SLC17A4: variants seen among roughly 807,000 people sequenced by gnomAD.
SLC17A4 encodes the protein probable small intestine urate exporter.
Under a neutral mutation model 52.5 loss-of-function variants are expected in SLC17A4, and 33 were observed. The ratio of observed to expected loss-of-function variants is 0.63; its 90% CI spans 0.48 to 0.84. The LOEUF (loss-of-function observed/expected upper bound fraction) is 0.84, where lower values mean the gene tolerates loss of function less well. SLC17A4 is among the 40% of genes least tolerant of loss of function. The pLI, the probability that SLC17A4 is intolerant of heterozygous loss-of-function variation, is 0.00. For missense variants in SLC17A4, 585 were observed against 597.1 expected (o/e 0.98, Z 0.21); for synonymous variants, 225 against 216.2 (o/e 1.04, Z -0.36).
At position 25,773,748 on chromosome 6, in the gene SLC17A4, G is replaced by A. The variant is rs984143242; in HGVS notation, c.987+74G>A. ...AATGAGAGCTCATATATAATCCTCT[G>A]TCTGTCCCATAGTCACAAAATCGGG... On this transcript the variant is annotated intron_variant, in intron 8 of 11. Transcript: ENST00000377905. 83 of 1,508,352 alleles carry A rather than the reference G, an allele frequency of 5.5e-5. No homozygotes were observed. The African/African-American group carries it at 1.0e-3, about 19-fold the overall frequency. 93.4% of individuals were successfully genotyped at this position (1,508,352 alleles called of 1,614,324 possible). A position where few individuals can be genotyped will look rare whatever the true frequency, so the allele number is the denominator to read the frequency against.
In SLC17A4 at chr6:25,776,944, T is replaced by C. The variant is rs1290721230; in HGVS notation, c.1253T>C (p.Leu418Ser). 4 of 1,612,766 alleles carry C rather than the reference T, an allele frequency of 2.5e-6. No homozygotes were observed. Among genetic ancestry groups the C allele is most frequent in the Non-Finnish European group, 3.4e-6 (4 of 1,179,274 alleles). ...FCESGALVNF[L>S]DIAPRYTGFL... ...GAATCAGGAGCCCTTGTTAACTTCTTGGATATTGCTCCTCGGTAGGGACCT... is the reference window on the plus strand; with the variant it reads ...GAATCAGGAGCCCTTGTTAACTTCTCGGATATTGCTCCTCGGTAGGGACCT... The change falls in exon 10 of 12, where the codon TTG becomes TCG. Residue 418 changes from leucine to serine, a missense_variant. By Grantham distance (145) the Leu-to-Ser change is moderately radical. Transcript: ENST00000377905.
At chr6:25,768,517 C>G in intron 2 of SLC17A4, 1 of 423,592 alleles carries the variant, frequency 2.4e-6, no homozygotes, top group Non-Finnish European at 3.2e-6. Context: ...TTTCATCTCT[C>G]CCCAGCCCCA....
intron 5 of SLC17A4, among the ~76,000 whole-genome samples, 184 bp downstream of exon 5, chr6:25,770,655 C>A (rs1029370176): frequency 1.3e-5 from 2 of 152,202 alleles, no homozygotes; most frequent in Non-Finnish European, 2.9e-5. Flanking sequence ...ATGTGCCAAA[C>A]ATTCTTGTGT....
At chr6:25,769,299 T>A in intron 3 of SLC17A4, 109 bp downstream of exon 3, 3 of 1,050,460 alleles carry the variant, frequency 2.9e-6, no homozygotes, top group Non-Finnish European at 4.1e-6. Context: ...GAACATGTAC[T>A]ATGTGCCAGG....
Position 25,768,996 on chromosome 6 carries a change from G to T in SLC17A4, c.103G>T (p.Val35Phe), listed in dbSNP as rs758518840. 6.2e-6 allele frequency: 10 copies of T among 1,613,874 alleles called. No homozygotes were observed. Among genetic ancestry groups the T allele is most frequent in the Non-Finnish European group, 7.6e-6 (9 of 1,179,970 alleles). ...CCTTTTCCTCTCAGGTTTTTGTTCA[G>T]TCCGACATGGGCTGGCCCTCATCTT... ...EECSRKGFCS[V>F]RHGLALILQL... Residue 35 changes from valine (V) to phenylalanine (F), a missense_variant, in exon 3 of 12, where the codon GTC becomes TTC. By Grantham distance (50) the Val-to-Phe change is conservative. Transcript: ENST00000377905.
At chr6:25,755,503 G>C (rs938391473) in intron 1 of SLC17A4, among the ~76,000 whole-genome samples, 1 of 152,146 alleles carries the variant, frequency 6.6e-6, no homozygotes, top group Non-Finnish European at 1.5e-5. Flanking sequence ...TTCTACAGTG[G>C]ACTGATAACT....
Position 25,767,142 on chromosome 6 carries a change from C to CA in SLC17A4, c.92-1842dup, listed in dbSNP as rs1204255268. On this transcript the variant is annotated intron_variant, in intron 2 of 11. Transcript: ENST00000377905. ...AAATGGCTATGTACCTAAAACATTT[C>CA]AGATCACAGATTGAGATGGAAGCTT... Among the ~76,000 whole-genome samples, 193 of 152,112 alleles carry CA rather than the reference C, an allele frequency of 1.3e-3. 1 individual carries two copies. Among genetic ancestry groups the CA allele is most frequent in the African/African-American group, 4.4e-3 (183 of 41,522 alleles).
At chr6:25,757,664 T>G (rs1051034705) in intron 1 of SLC17A4, among the ~76,000 whole-genome samples, 2 of 152,092 alleles carry the variant, frequency 1.3e-5, no homozygotes, top group African/African-American at 4.8e-5. Context: ...TAGCTGTGGC[T>G]TCTGATCTTT....
At chr6:25,776,565 C>T (rs1762939371) in intron 8 of SLC17A4, 30 bp from the exon 9 acceptor site, 2 of 1,571,068 alleles carry the variant, frequency 1.3e-6, no homozygotes, top group East Asian at 2.2e-5. Flanking sequence ...GGTAAGGGCA[C>T]ATGCACCTGA....
rs1761583533 is a variant in SLC17A4, at chr6:25,762,032, C to T, written c.70C>T (p.Gln24Ter). Reference sequence around the variant, plus strand: ...CAGTGATGGCAATTTAAACGTGGCTCAAGAGGAATGCTCCAGGAAAGGTAA... The same window carrying T: ...CAGTGATGGCAATTTAAACGTGGCTTAAGAGGAATGCTCCAGGAAAGGTAA... ...ISSDGNLNVA[Q>*]EECSRKGFCS... Residue 24 changes from glutamine to a stop codon, truncating the protein, a stop_gained, in exon 2 of 12, where the codon CAA (glutamine) becomes TAA (stop). Transcript: ENST00000377905. LOFTEE classifies it high-confidence loss of function. 6.2e-7 allele frequency: 1 copy of T among 1,613,038 alleles called. No homozygotes were observed. The highest frequency in any genetic ancestry group is 1.3e-5 in the African/African-American group (1 of 74,844).
chr6:25,773,738 A>G, intron 8 of SLC17A4, 64 bp downstream of exon 8: 1 of 1,544,862 alleles, frequency 6.5e-7, no homozygotes, highest in Non-Finnish European at 8.8e-7. Flanking sequence ...GAGCTCATAT[A>G]TAATCCTCTG....
At position 25,779,165 on chromosome 6, in the gene SLC17A4, G is replaced by C; in HGVS notation, c.1471G>C (p.Glu491Gln). The C allele has an allele frequency of 2.5e-6, 4 of 1,613,804 alleles. No individual in the cohort carries two copies. Among genetic ancestry groups the C allele is most frequent in the Non-Finnish European group, 3.4e-6 (4 of 1,179,766 alleles). The change falls in exon 12 of 12, where the codon GAG becomes CAG. Residue 491 changes from glutamate (E) to glutamine (Q), a missense_variant. Glu to Gln is a conservative substitution (Grantham distance 29). Transcript: ENST00000377905. ...AGCAGATGTGCAGGACTGGGCTAAA[G>C]AGCAGACATTCACCCACCTCTGAGC... is the stretch of plus-strand genomic sequence containing the variant. ...GRADVQDWAK[E>Q]QTFTHL
intron 1 of SLC17A4, among the ~76,000 whole-genome samples, chr6:25,758,529 A>T (rs202067224): frequency 1.3e-5 from 2 of 152,014 alleles, no homozygotes; most frequent in Non-Finnish European, 2.9e-5. Context: ...AGGGTTTTAT[A>T]TTTCCAGGAA....
intron 1 of SLC17A4, among the ~76,000 whole-genome samples, chr6:25,756,040 G>A (rs1015717131): frequency 3.3e-5 from 5 of 152,106 alleles, no homozygotes; most frequent in Admixed American, 1.3e-4. Flanking sequence ...CACTTGTACA[G>A]GTGAAGAAAC....
At position 25,780,184 on chromosome 6, in the gene SLC17A4, C is replaced by T. The variant is rs1245262367; in HGVS notation, c.*996C>T. 6.6e-6 allele frequency: 1 copy of T among 152,174 alleles called. No individual in the cohort carries two copies. Among genetic ancestry groups the T allele is most frequent in the Non-Finnish European group, 1.5e-5 (1 of 68,048 alleles). The allele number at this position is 152,174 out of a possible 1,614,324, so 9.4% of individuals were successfully genotyped here. On this transcript the variant is annotated 3_prime_UTR_variant, in exon 12 of 12. Transcript: ENST00000377905. ...CATGGAGGATCATAAGATAGCAAAA[C>T]CATTTCAACACTAAATGAATATTAA... is the stretch of plus-strand genomic sequence containing the variant.
At chr6:25,756,505 A>C (rs575835456) in intron 1 of SLC17A4, among the ~76,000 whole-genome samples, 3 of 151,758 alleles carry the variant, frequency 2.0e-5, no homozygotes, top group Admixed American at 6.6e-5. Flanking sequence ...CTTTCTTTTC[A>C]TATGTGCCCC....
At position 25,755,436 on chromosome 6, in the gene SLC17A4, C is replaced by G. The variant is rs150001368; in HGVS notation, c.-37+655C>G. 2.7e-3 allele frequency among the ~76,000 whole-genome samples: 409 copies of G among 152,312 alleles called. 4 individuals carry two copies. Among genetic ancestry groups the G allele is most frequent in the African/African-American group, 8.5e-3 (354 of 41,554 alleles). On this transcript the variant is annotated intron_variant, in intron 1 of 11. Transcript: ENST00000377905. ...GAAAAATGTTCAGTGCTGAGACCAC[C>G]TAAGATGACATTTGAGCTGTTAATA...
chr6:25,779,873 A>C lies in SLC17A4; in HGVS notation c.*685A>C, dbSNP rs1207357315. 1 of 152,186 alleles carries C rather than the reference A, an allele frequency of 6.6e-6. No individual in the cohort carries two copies. Among genetic ancestry groups the C allele is most frequent in the Non-Finnish European group, 1.5e-5 (1 of 68,068 alleles). 9.4% of individuals were successfully genotyped at this position (152,186 alleles called of 1,614,324 possible). A position where few individuals can be genotyped will look rare whatever the true frequency, so the allele number is the denominator to read the frequency against. On this transcript the variant is annotated 3_prime_UTR_variant, in exon 12 of 12. Transcript: ENST00000377905. ...GCTTTGTGCAGATCTTTAACATGTT[A>C]GTGAACAGACATTGCCCAGTGTCTC...
chr6:25,768,929 G>A, intron 2 of SLC17A4, 56 bp from the exon 3 acceptor site: 1 of 1,482,318 alleles, frequency 6.7e-7, no homozygotes, highest in East Asian at 2.3e-5. Context: ...TCCAGACTTA[G>A]GGAGAGTGGG....
Sources: gnomAD v4.1 joint callset for allele counts (sites outside exome capture counted in the v4.1 genomes callset) on GRCh38, gnomAD v4.1.1 for gene constraint, MANE v1.5 for transcripts, NCBI Gene and HGNC (gene_info 2026-07-23, HGNC 2026-07-21) for gene names.